ASIC2: variants seen among roughly 807,000 people sequenced by gnomAD.
ASIC2 encodes the protein acid-sensing ion channel 2.
Under a neutral mutation model 57.3 loss-of-function variants are expected in ASIC2, and 25 were observed. The ratio of observed to expected loss-of-function variants is 0.44; its 90% CI spans 0.32 to 0.61. The LOEUF (loss-of-function observed/expected upper bound fraction) is 0.61, where lower values mean the gene tolerates loss of function less well. ASIC2 is among the 20% of genes least tolerant of loss of function. The pLI is 0.06. For missense variants in ASIC2, 641 were observed against 738.1 expected (o/e 0.87, Z 1.52); for synonymous variants, 319 against 307.5 (o/e 1.04, Z -0.39).
chr17:33,935,505 A>G (rs1258264822), intron 1 of ASIC2: 3 of 152,240 alleles, frequency 2.0e-5, no homozygotes, highest in African/African-American at 7.2e-5. Flanking sequence ...GAATAAAAAT[A>G]CTGATGAATA....
At position 33,782,863 on chromosome 17, in the gene ASIC2, C is replaced by A. The variant is rs1031212977; in HGVS notation, c.555+373115G>T. Among the ~76,000 whole-genome samples the A allele has an allele frequency of 3.9e-5, 6 of 152,206 alleles. No homozygotes were observed. The South Asian group carries it at 1.2e-3, about 32-fold the overall frequency. ...CTATTCTCAGGCTCCGGCCAGCCCCCCTGACCTTATCTCCTCCTCTCCGTC... is the reference window on the plus strand; with the variant it reads ...CTATTCTCAGGCTCCGGCCAGCCCCACTGACCTTATCTCCTCCTCTCCGTC... On this transcript the variant is annotated intron_variant, in intron 1 of 9. Coordinates refer to the ASIC2 transcript ENST00000359872.
At chr17:34,137,008 G>T (rs1212618627) in intron 1 of ASIC2, among the ~76,000 whole-genome samples, 1 of 152,162 alleles carries the variant, frequency 6.6e-6, no homozygotes, top group African/African-American at 2.4e-5. Context: ...TACTCCTTTT[G>T]AAGGCAGAGC....
chr17:33,693,371 G>T (rs8069302), intron 1 of ASIC2, among the ~76,000 whole-genome samples: 3,645 of 152,236 alleles, frequency 0.024, 131 homozygotes, highest in African/African-American at 0.084. Flanking sequence ...CTTGGCCTGA[G>T]CTTGATTACT....
chr17:33,661,523 T>A (rs146676018), intron 1 of ASIC2, among the ~76,000 whole-genome samples: 2 of 152,176 alleles, frequency 1.3e-5, no homozygotes, highest in Non-Finnish European at 2.9e-5. Context: ...GGGCAAGACA[T>A]TGAATGATTC....
At chr17:33,592,599 G>C (rs1452148525) in intron 1 of ASIC2, among the ~76,000 whole-genome samples, 1 of 152,254 alleles carries the variant, frequency 6.6e-6, no homozygotes, top group Non-Finnish European at 1.5e-5. Flanking sequence ...AACAATCTTG[G>C]AAGGTAGACT....
intron 3 of ASIC2, among the ~76,000 whole-genome samples, chr17:33,038,970 G>T (rs569974502): frequency 2.0e-5 from 3 of 152,272 alleles, no homozygotes; most frequent in Non-Finnish European, 2.9e-5. Context: ...TCCCTCCTTT[G>T]TGTCTGCATC....
At chr17:34,094,636 A>G (rs772173824) in intron 1 of ASIC2, among the ~76,000 whole-genome samples, 1 of 152,226 alleles carries the variant, frequency 6.6e-6, no homozygotes, top group Non-Finnish European at 1.5e-5. Context: ...GCAATTGCTC[A>G]AGAAAAGGTT....
At chr17:33,813,678 C>T (rs1163917077) in intron 1 of ASIC2, among the ~76,000 whole-genome samples, 4 of 152,200 alleles carry the variant, frequency 2.6e-5, no homozygotes, top group Non-Finnish European at 4.4e-5. Context: ...CCTCATGATC[C>T]GCCCGCCTGG....
intron 1 of ASIC2, among the ~76,000 whole-genome samples, chr17:33,995,234 T>C (rs946676433): frequency 6.6e-6 from 1 of 152,192 alleles, no homozygotes; most frequent in Non-Finnish European, 1.5e-5. Context: ...GACAACAATG[T>C]CTTATTCACA....
chr17:33,445,836 T>C (rs1911998703), intron 1 of ASIC2, among the ~76,000 whole-genome samples: 2 of 151,322 alleles, frequency 1.3e-5, no homozygotes, highest in Admixed American at 6.6e-5. Context: ...GATGATCTAT[T>C]CTGTCATTTG....
At chr17:33,905,200 A>G (rs1915322860) in intron 1 of ASIC2, among the ~76,000 whole-genome samples, 2 of 146,280 alleles carry the variant, frequency 1.4e-5, no homozygotes, top group East Asian at 4.0e-4. Flanking sequence ...AAGTAAACCA[A>G]GCCTCCTGGA....
intron 1 of ASIC2, chr17:34,038,709 G>C: frequency 2.5e-6 from 4 of 1,602,998 alleles, no homozygotes; most frequent in Non-Finnish European, 3.4e-6. Context: ...CCTAATCTGA[G>C]TTTGAAGATT....
intron 1 of ASIC2, among the ~76,000 whole-genome samples, chr17:33,649,138 G>T (rs915175717): frequency 2.0e-5 from 3 of 152,146 alleles, no homozygotes; most frequent in African/African-American, 7.2e-5. Context: ...TTGAAATTAC[G>T]TGATTGTCTA....
At chr17:33,131,130 C>A (rs1323100341) in intron 1 of ASIC2, among the ~76,000 whole-genome samples, 1 of 152,158 alleles carries the variant, frequency 6.6e-6, no homozygotes, top group African/African-American at 2.4e-5. Context: ...GAGACGAGCC[C>A]ATGCAAAGAC....
chr17:34,102,010 T>TA (rs890793837), intron 1 of ASIC2, among the ~76,000 whole-genome samples: 12 of 151,332 alleles, frequency 7.9e-5, no homozygotes, highest in Non-Finnish European at 1.8e-4. Context: ...ACTGTATGCT[T>TA]AAAAAAAAAG....
chr17:33,945,988 T>G (rs1429726137), intron 1 of ASIC2, among the ~76,000 whole-genome samples: 1 of 152,204 alleles, frequency 6.6e-6, no homozygotes, highest in African/African-American at 2.4e-5. Flanking sequence ...TCCTCCAGCA[T>G]GCAAGATGAA....
At chr17:33,813,826 T>C (rs1912499184) in intron 1 of ASIC2, among the ~76,000 whole-genome samples, 1 of 152,090 alleles carries the variant, frequency 6.6e-6, no homozygotes, top group African/African-American at 2.4e-5. Flanking sequence ...TACATTTTTT[T>C]GTTTTCAAGA....
intron 1 of ASIC2, among the ~76,000 whole-genome samples, chr17:33,414,539 A>G (rs1385086791): frequency 6.6e-6 from 1 of 151,874 alleles, no homozygotes; most frequent in African/African-American, 2.4e-5. Context: ...CTTTACCTGG[A>G]CCTCTCTGGA....
intron 1 of ASIC2, among the ~76,000 whole-genome samples, chr17:33,980,514 G>A (rs566593265): frequency 4.6e-5 from 7 of 152,324 alleles, no homozygotes; most frequent in Admixed American, 2.6e-4. Flanking sequence ...GAAAGGATGA[G>A]AATCTTGGGA....
Sources: allele counts gnomAD v4.1 joint callset (sites outside exome capture counted in the v4.1 genomes callset), GRCh38; gene constraint gnomAD v4.1.1; transcripts MANE v1.5; gene names NCBI Gene and HGNC (gene_info 2026-07-23, HGNC 2026-07-21).